The following EFCAB5 variants were observed in gnomAD, a reference collection of about 807,000 sequenced individuals.
EFCAB5 encodes the protein EF-hand calcium-binding domain-containing protein 5.
A neutral mutation model predicts 167.9 loss-of-function variants in EFCAB5; 131 were observed. The observed-to-expected ratio is 0.78, with a 90% confidence interval of 0.68 to 0.90. The LOEUF (loss-of-function observed/expected upper bound fraction) is 0.90, where lower values mean the gene tolerates loss of function less well. Among genes scored for constraint, EFCAB5 ranks in the 40% least tolerant of loss-of-function variants. The pLI, the probability that EFCAB5 is intolerant of heterozygous loss-of-function variation, is 0.00. For missense variants in EFCAB5, 1,663 were observed against 1,745.2 expected, an observed-to-expected ratio of 0.95 and a Z score of 0.84; for synonymous variants, 574 against 602.8, an observed-to-expected ratio of 0.95 and a Z score of 0.70.
chr17:30,026,650 G>C (rs192779690), intron 7 of EFCAB5, among the ~76,000 whole-genome samples: 38 of 152,162 alleles, frequency 2.5e-4, no homozygotes, highest in Admixed American at 3.3e-4. Context: ...GTTCTAACAA[G>C]GTCCATACAG....
chr17:29,953,511 C>T (rs1385671780), intron 3 of EFCAB5, among the ~76,000 whole-genome samples: 1 of 151,948 alleles, frequency 6.6e-6, no homozygotes, highest in Non-Finnish European at 1.5e-5. Context: ...CCTGCACATG[C>T]TCTCTCTCTC....
intron 3 of EFCAB5, among the ~76,000 whole-genome samples, chr17:29,943,855 A>C (rs553382037): frequency 6.6e-6 from 1 of 152,060 alleles, no homozygotes; most frequent in East Asian, 1.9e-4. Context: ...GGTGCCTGTA[A>C]TCCCAGCTAC....
chr17:30,090,203 C>G (rs1224452710), intron 19 of EFCAB5, among the ~76,000 whole-genome samples: 1 of 152,164 alleles, frequency 6.6e-6, no homozygotes, highest in Non-Finnish European at 1.5e-5. Context: ...GTCAGGGACG[C>G]CTTCTCTGCC....
intron 4 of EFCAB5, among the ~76,000 whole-genome samples, chr17:29,986,636 C>CTTTTTTTTTT (rs1196821046): frequency 2.0e-4 from 18 of 87,948 alleles, no homozygotes; most frequent in Admixed American, 3.7e-4. Context: ...GGAGTATATT[C>CTTTTTTTTTT]ATTTTTTTTT....
intron 18 of EFCAB5, 136 bp downstream of exon 18, chr17:30,083,179 G>A (rs2071024145): frequency 1.6e-6 from 2 of 1,240,740 alleles, no homozygotes; most frequent in Admixed American, 6.3e-5. Context: ...AAGACCCTTG[G>A]TTGTGAGTGA....
At chr17:30,098,955 T>C (rs768271762) in intron 22 of EFCAB5, among the ~76,000 whole-genome samples, 1 of 152,234 alleles carries the variant, frequency 6.6e-6, no homozygotes, top group Non-Finnish European at 1.5e-5. Context: ...GTTTTCAAGG[T>C]CCATCTATGT....
At chr17:30,036,726 C>T (rs1358776258) in intron 8 of EFCAB5, among the ~76,000 whole-genome samples, 2 of 152,140 alleles carry the variant, frequency 1.3e-5, no homozygotes, top group Admixed American at 1.3e-4. Flanking sequence ...CACATCCAGC[C>T]TCGAATGTAT....
intron 19 of EFCAB5, among the ~76,000 whole-genome samples, 180 bp downstream of exon 19, chr17:30,087,346 C>T (rs2071110383): frequency 6.6e-6 from 1 of 152,142 alleles, no homozygotes; most frequent in African/African-American, 2.4e-5. Context: ...AGGTTTGTTA[C>T]ACAGGTAAAC....
chr17:30,084,522 CATAGTGGTGAAGA>C (rs2071048965), intron 18 of EFCAB5, among the ~76,000 whole-genome samples: 3 of 152,180 alleles, frequency 2.0e-5, no homozygotes, highest in Admixed American at 6.5e-5. Flanking sequence ...TGGACCATCT[CATAGTGGTGAAGA>C]AGATCCTGCC....
intron 10 of EFCAB5, among the ~76,000 whole-genome samples, chr17:30,055,516 C>T (rs1358888116): frequency 6.6e-6 from 1 of 152,178 alleles, no homozygotes; most frequent in Non-Finnish European, 1.5e-5. Flanking sequence ...TTTTCTGTCA[C>T]ACCTCAAACT....
chr17:30,014,365 CT>C (rs772691604), intron 7 of EFCAB5, among the ~76,000 whole-genome samples: 17 of 151,682 alleles, frequency 1.1e-4, no homozygotes, highest in Non-Finnish European at 2.4e-4. Flanking sequence ...CCTTGTTAAC[CT>C]GTCTCGTTGA....
intron 21 of EFCAB5, 57 bp from the exon 22 acceptor site, chr17:30,092,783 C>T: frequency 2.5e-6 from 3 of 1,188,838 alleles, no homozygotes; most frequent in Non-Finnish European, 3.7e-6. Context: ...TTGAACTGGG[C>T]ACTGTATTTC....
chr17:30,056,132 A>C lies in EFCAB5; in HGVS notation c.2341A>C (p.Ile781Leu). Reference protein sequence around the residue: ...TFEDEEQANLIYGNSRFTDLH... With the variant: ...TFEDEEQANLLYGNSRFTDLH... ...TGAAGATGAGGAACAGGCAAACTTA[A>C]TCTATGGTAACTCCAGGTTCACAGG... Residue 781 changes from isoleucine (I) to leucine (L), a missense_variant, in exon 12 of 23, where the codon ATC becomes CTC. By Grantham distance (5) the Ile-to-Leu change is conservative. Transcript: ENST00000394835. The C allele has an allele frequency of 1.2e-6, 2 of 1,611,240 alleles. No homozygotes were observed. The highest frequency in any genetic ancestry group is 1.7e-6 in the Non-Finnish European group (2 of 1,178,468).
chr17:29,977,035 G>T (rs538980369), intron 4 of EFCAB5, among the ~76,000 whole-genome samples: 2 of 152,042 alleles, frequency 1.3e-5, no homozygotes, highest in Non-Finnish European at 2.9e-5. Flanking sequence ...TAATTCTTAC[G>T]TGCAATTTTG....
intron 4 of EFCAB5, among the ~76,000 whole-genome samples, chr17:29,977,442 T>G (rs1177043313): frequency 6.6e-6 from 1 of 152,170 alleles, no homozygotes; most frequent in African/African-American, 2.4e-5. Context: ...TTTTCTCAAC[T>G]AGTCTTGAAC....
At chr17:30,017,298 TAAGGAAAATTATTC>T (rs2069069301) in intron 7 of EFCAB5, among the ~76,000 whole-genome samples, 2 of 152,216 alleles carry the variant, frequency 1.3e-5, no homozygotes. Flanking sequence ...CATATTTTTC[TAAGGAAAATTATTC>T]AATGTTGTAA....
chr17:29,984,705 C>T (rs755643816), intron 4 of EFCAB5, among the ~76,000 whole-genome samples: 19 of 151,994 alleles, frequency 1.3e-4, no homozygotes, highest in South Asian at 4.2e-4. Context: ...GCAACAAGAG[C>T]GAAACTCCAT....
intron 20 of EFCAB5, among the ~76,000 whole-genome samples, chr17:30,091,427 A>T (rs1393659776): frequency 6.6e-6 from 1 of 152,218 alleles, no homozygotes; most frequent in Non-Finnish European, 1.5e-5. Flanking sequence ...GATAAGAAGA[A>T]AGGAGAAATT....
intron 1 of EFCAB5, among the ~76,000 whole-genome samples, chr17:29,932,677 C>T (rs2067212052): frequency 6.6e-6 from 1 of 151,984 alleles, no homozygotes; most frequent in South Asian, 2.1e-4. Context: ...AGGCTGGTCT[C>T]GAACTCCTGA....
Sources: allele counts gnomAD v4.1 joint callset (sites outside exome capture counted in the v4.1 genomes callset), GRCh38; gene constraint gnomAD v4.1.1; transcripts MANE v1.5; gene names NCBI Gene and HGNC (gene_info 2026-07-23, HGNC 2026-07-21).